Variants in FAM163A observed in about 807,000 individuals in gnomAD.
FAM163A encodes family with sequence similarity 163 member A.
FAM163A carries 7 observed loss-of-function variants against 12.0 expected under a neutral mutation model. That is an observed-to-expected ratio of 0.58 (90% confidence interval 0.33 to 1.10). The LOEUF (loss-of-function observed/expected upper bound fraction) is 1.10. Among genes scored for constraint, FAM163A ranks in the 50% least tolerant of loss-of-function variants. The probability of loss-of-function intolerance (pLI) is 0.03; values close to 1 mark genes in which losing one functional copy is unlikely to be tolerated. For synonymous variants in FAM163A, 101 were observed against 91.0 expected (o/e 1.11, Z -0.62); for missense variants, 202 against 218.6 (o/e 0.92, Z 0.48).
At chr1:179,774,282 C>T (rs917079867) in intron 1 of FAM163A, among the ~76,000 whole-genome samples, 2 of 152,232 alleles carry the variant, frequency 1.3e-5, no homozygotes, top group African/African-American at 4.8e-5. Flanking sequence ...GCAGGTGCTA[C>T]CAGCTGAGGT....
rs1265625446 is a variant in FAM163A at position 179,813,876 on chromosome 1, C to A, written c.191C>A (p.Ala64Asp). The stretch of plus-strand genomic sequence containing the variant: ...CATCCCAGAGGCCCCACCTGCAATG[C>A]CTGCAGCTCCCAAGCCCTGGACGGC... ...PTHPRGPTCN[A>D]CSSQALDGRG... Residue 64 changes from alanine (A) to aspartate (D), a missense_variant, in exon 5 of 5, where the codon GCC (alanine) becomes GAC (aspartate). Physicochemically the swap from Ala to Asp is moderately radical, Grantham distance 126. Coordinates refer to ENST00000341785, the MANE Select transcript of FAM163A (RefSeq NM_173509.3). 6.2e-7 allele frequency: 1 copy of A among 1,613,892 alleles called. No homozygotes were observed. The highest frequency in any genetic ancestry group is 1.3e-5 in the African/African-American group (1 of 74,934).
At chr1:179,749,067 C>T (rs1431983489) in intron 1 of FAM163A, among the ~76,000 whole-genome samples, 2 of 152,172 alleles carry the variant, frequency 1.3e-5, no homozygotes, top group African/African-American at 2.4e-5. Flanking sequence ...GTCACTGTGA[C>T]TATTTCAGTG....
At chr1:179,775,377 A>G (rs1688809533) in intron 1 of FAM163A, among the ~76,000 whole-genome samples, 1 of 152,252 alleles carries the variant, frequency 6.6e-6, no homozygotes, top group African/African-American at 2.4e-5. Flanking sequence ...GCAGACAGCC[A>G]GTTTCTATCT....
At chr1:179,749,333 T>C (rs1446526917) in intron 1 of FAM163A, among the ~76,000 whole-genome samples, 1 of 152,082 alleles carries the variant, frequency 6.6e-6, no homozygotes, top group Non-Finnish European at 1.5e-5. Flanking sequence ...AAAGCAGGGA[T>C]AAGGGGCTGT....
At chr1:179,754,378 AG>A (rs1685711950) in intron 1 of FAM163A, among the ~76,000 whole-genome samples, 1 of 152,088 alleles carries the variant, frequency 6.6e-6, no homozygotes, top group Admixed American at 6.6e-5. Flanking sequence ...GCTTTGCACC[AG>A]GCCTGCACCC....
intron 1 of FAM163A, among the ~76,000 whole-genome samples, chr1:179,781,468 C>T (rs985026172): frequency 3.3e-5 from 5 of 151,902 alleles, no homozygotes; most frequent in East Asian, 3.9e-4. Context: ...CTCTGACCCC[C>T]GAGAAAGGGG....
intron 1 of FAM163A, among the ~76,000 whole-genome samples, chr1:179,800,362 G>A (rs1436642917): frequency 6.6e-6 from 1 of 152,258 alleles, no homozygotes; most frequent in Non-Finnish European, 1.5e-5. Flanking sequence ...CAGGCATCCA[G>A]GATGTAGGCA....
the FAM163A span, among the ~76,000 whole-genome samples, chr1:179,735,270 A>C: frequency 1.5e-3 from 231 of 152,292 alleles, 3 homozygotes; most frequent in African/African-American, 5.5e-3. Flanking sequence ...ATATGTTTAA[A>C]ATCTTCTTAA....
At position 179,815,109 on chromosome 1, in the gene FAM163A, G is replaced by GCGCGCGCACA. The variant is rs1273970601; in HGVS notation, c.*921_*922insGCGCGCACAC. The GCGCGCGCACA allele has an allele frequency of 8.9e-4, 60 of 67,306 alleles. No homozygotes were observed. Among genetic ancestry groups the GCGCGCGCACA allele is most frequent in the African/African-American group, 3.7e-3 (59 of 15,852 alleles). The allele number at this position is 67,306 out of a possible 1,614,324, so 4.2% of individuals were successfully genotyped here. On this transcript the variant is annotated 3_prime_UTR_variant, in exon 5 of 5. Transcript: ENST00000341785. ...CAGGTGTACGCACGCGCGCGCGCGC[G>GCGCGCGCACA]CACAGACACACACACACACACACAC...
intron 1 of FAM163A, among the ~76,000 whole-genome samples, chr1:179,797,974 A>C (rs1378676033): frequency 6.6e-6 from 1 of 152,130 alleles, no homozygotes; most frequent in Non-Finnish European, 1.5e-5. Context: ...TCACACCTGT[A>C]ATCTCAGCAC....
At chr1:179,740,836 A>T (rs1011144521), upstream of FAM163A, among the ~76,000 whole-genome samples, 3 of 152,188 alleles carry the variant, frequency 2.0e-5, no homozygotes, top group Non-Finnish European at 2.9e-5. Flanking sequence ...GTCAATGTCA[A>T]TATCCTAATT....
chr1:179,728,665 C>G, the FAM163A span, among the ~76,000 whole-genome samples: 2 of 152,112 alleles, frequency 1.3e-5, no homozygotes. Flanking sequence ...TTTGGTCTTT[C>G]ATTTGCTCAG....
At chr1:179,740,512 G>C (rs1180967579), upstream of FAM163A, among the ~76,000 whole-genome samples, 1 of 152,050 alleles carries the variant, frequency 6.6e-6, no homozygotes, top group African/African-American at 2.4e-5. Flanking sequence ...TAAACAAGCT[G>C]GTGGTACATG....
intron 1 of FAM163A, among the ~76,000 whole-genome samples, chr1:179,759,890 C>T (rs890666626): frequency 1.4e-4 from 21 of 152,230 alleles, no homozygotes; most frequent in Admixed American, 3.3e-4. Flanking sequence ...TGGTCTTGAA[C>T]TCCTGACCTC....
intron 1 of FAM163A, among the ~76,000 whole-genome samples, chr1:179,769,838 A>G (rs995059299): frequency 6.6e-6 from 1 of 152,094 alleles, no homozygotes; most frequent in African/African-American, 2.4e-5. Context: ...GCCACATCAC[A>G]AAGTAAATAC....
At chr1:179,756,267 A>G (rs534495530) in intron 1 of FAM163A, among the ~76,000 whole-genome samples, 1 of 152,322 alleles carries the variant, frequency 6.6e-6, no homozygotes, top group African/African-American at 2.4e-5. Flanking sequence ...TATCTAGTCA[A>G]GAGGTAATGA....
At chr1:179,729,015 C>T in the FAM163A span, among the ~76,000 whole-genome samples, 2 of 152,170 alleles carry the variant, frequency 1.3e-5, no homozygotes, top group Non-Finnish European at 2.9e-5. Context: ...GGAAAGACAA[C>T]ATTTCTCTCC....
At chr1:179,732,114 A>G in the FAM163A span, among the ~76,000 whole-genome samples, 1 of 152,256 alleles carries the variant, frequency 6.6e-6, no homozygotes, top group Non-Finnish European at 1.5e-5. Context: ...CCAAAGGCCA[A>G]CAAATTCTAT....
the FAM163A span, among the ~76,000 whole-genome samples, chr1:179,733,768 C>G: frequency 6.6e-6 from 1 of 152,280 alleles, no homozygotes; most frequent in East Asian, 1.9e-4. Context: ...CAAATTCACT[C>G]ACCAGAATGC....
Sources: allele counts gnomAD v4.1 joint callset (sites outside exome capture counted in the v4.1 genomes callset), GRCh38; gene constraint gnomAD v4.1.1; transcripts MANE v1.5; gene names NCBI Gene and HGNC (gene_info 2026-07-23, HGNC 2026-07-21).